Variants in PIWIL4 observed in about 807,000 individuals in gnomAD.
PIWIL4 encodes the protein piwi-like protein 4.
PIWIL4 carries 50 observed loss-of-function variants against 100.9 expected under a neutral mutation model. The ratio of observed to expected loss-of-function variants is 0.50; its 90% CI spans 0.39 to 0.63. PIWIL4 has a LOEUF of 0.63. Ranked by LOEUF, PIWIL4 falls within the 20% of genes least tolerant of loss-of-function variation. PIWIL4 has a pLI of 0.00. For synonymous variants in PIWIL4, 342 were observed against 367.5 expected, an observed-to-expected ratio of 0.93 and a Z score of 0.79; for missense variants, 887 against 1,043.3, an observed-to-expected ratio of 0.85 and a Z score of 2.06.
intron 11 of PIWIL4, among the ~76,000 whole-genome samples, chr11:94,601,272 C>G (rs1421550895): frequency 6.6e-6 from 1 of 152,020 alleles, no homozygotes; most frequent in Non-Finnish European, 1.5e-5. Flanking sequence ...CTTCACAATC[C>G]ATGTTCTTCT....
At chr11:94,615,493 T>C (rs747575661) in intron 15 of PIWIL4, among the ~76,000 whole-genome samples, 209 of 152,304 alleles carry the variant, frequency 1.4e-3, no homozygotes, top group Non-Finnish European at 2.4e-3. Flanking sequence ...ATTGTCAAAA[T>C]TGATGCTTCT....
chr11:94,609,940 CATG>C (rs1565282707), intron 15 of PIWIL4, among the ~76,000 whole-genome samples: 2 of 151,994 alleles, frequency 1.3e-5, no homozygotes, highest in African/African-American at 4.8e-5. Context: ...TACAATAGTA[CATG>C]ATAATTAACT....
chr11:94,571,076 C>A (rs1054633898), intron 2 of PIWIL4, among the ~76,000 whole-genome samples: 7 of 152,140 alleles, frequency 4.6e-5, no homozygotes, highest in Non-Finnish European at 1.0e-4. Context: ...CTCTGCTGTT[C>A]CTCACTGGGA....
At position 94,601,864 on chromosome 11, in the gene PIWIL4, T is replaced by A. The variant is rs1948646583; in HGVS notation, c.1450T>A (p.Leu484Met). The A allele has an allele frequency of 1.9e-6, 3 of 1,614,044 alleles. No individual in the cohort carries two copies. The highest frequency in any genetic ancestry group is 2.5e-6 in the Non-Finnish European group (3 of 1,179,998). Residue 484 changes from leucine (L) to methionine (M), a missense_variant, in exon 12 of 20, where the codon TTG (leucine) becomes ATG (methionine). Physicochemically the swap from Leu to Met is conservative, Grantham distance 15. Coordinates refer to ENST00000299001, the MANE Select transcript of PIWIL4 (RefSeq NM_152431.3). ...TTGCAAGATTTTAAATGCACAGTCTTTGAATACCTGGTTGATTTTATGTAG... is the reference window on the plus strand; with the variant it reads ...TTGCAAGATTTTAAATGCACAGTCTATGAATACCTGGTTGATTTTATGTAG... ...RTCKILNAQS[L>M]NTWLILCSDR...
chr11:94,569,742 A>T (rs187165639), intron 2 of PIWIL4, among the ~76,000 whole-genome samples: 165 of 151,854 alleles, frequency 1.1e-3, no homozygotes, highest in African/African-American at 3.7e-3. Flanking sequence ...GTTCTTACTT[A>T]TAAGTGGAAG....
At chr11:94,576,711 GA>G (rs1216597848) in intron 3 of PIWIL4, among the ~76,000 whole-genome samples, 1 of 152,170 alleles carries the variant, frequency 6.6e-6, no homozygotes, top group African/African-American at 2.4e-5. Context: ...TTTCACGTCG[GA>G]AAAATGACAG....
chr11:94,571,170 C>G lies in PIWIL4; in HGVS notation c.166+2362C>G, dbSNP rs188802293. On this transcript the variant is annotated intron_variant, in intron 2 of 19. Transcript: ENST00000299001. ...TCTGAGCACAGAAGCCCTACTCTGA[C>G]AGGCCCAGTGCCCTCCATTATTTTC... is the stretch of plus-strand genomic sequence containing the variant. Among the ~76,000 whole-genome samples, 154 of 152,320 alleles carry G rather than the reference C, an allele frequency of 1.0e-3. 1 individual carries two copies. The highest frequency in any genetic ancestry group is 6.8e-3 in the Middle Eastern group (2 of 294).
intron 15 of PIWIL4, among the ~76,000 whole-genome samples, chr11:94,609,431 A>G (rs1238679833): frequency 6.6e-6 from 1 of 152,154 alleles, no homozygotes; most frequent in Non-Finnish European, 1.5e-5. Context: ...CCCTTTGCAA[A>G]ATGTTTTCTT....
chr11:94,583,675 A>G, intron 5 of PIWIL4, 106 bp downstream of exon 5: 1 of 1,472,598 alleles, frequency 6.8e-7, no homozygotes, highest in African/African-American at 1.4e-5. Context: ...GCCAGCAGTG[A>G]TGCCACCGTT....
chr11:94,621,289 A>G lies in PIWIL4; in HGVS notation c.*297A>G. 3.6e-6 allele frequency: 1 copy of G among 278,730 alleles called. No individual in the cohort carries two copies. The highest frequency in any genetic ancestry group is 6.7e-6 in the Non-Finnish European group (1 of 148,338). The allele number at this position is 278,730 out of a possible 1,614,324, so 17.3% of individuals were successfully genotyped here. A position where few individuals can be genotyped will look rare whatever the true frequency, so the allele number is the denominator to read the frequency against. Reference sequence around the variant, plus strand: ...TATCTTAAGTTAAACACTTAAAATAAGTGTTTGCGTGATATTTTGATGACA... The same window carrying G: ...TATCTTAAGTTAAACACTTAAAATAGGTGTTTGCGTGATATTTTGATGACA... On this transcript the variant is annotated 3_prime_UTR_variant, in exon 20 of 20. Transcript: ENST00000299001.
intron 17 of PIWIL4, 122 bp from the exon 18 acceptor site, chr11:94,619,638 T>C (rs1948884775): frequency 8.7e-7 from 1 of 1,146,690 alleles, no homozygotes. Flanking sequence ...AATTTTTATT[T>C]TCTGTTTTGC....
At chr11:94,589,024 C>G in intron 7 of PIWIL4, 97 bp from the exon 8 acceptor site, 1 of 743,576 alleles carries the variant, frequency 1.3e-6, no homozygotes, top group African/African-American at 1.8e-5. Flanking sequence ...TTCTGACATT[C>G]TGGAGTCTAT....
At chr11:94,617,311 A>G (rs1160040137) in intron 16 of PIWIL4, among the ~76,000 whole-genome samples, 1 of 152,036 alleles carries the variant, frequency 6.6e-6, no homozygotes, top group African/African-American at 2.4e-5. Flanking sequence ...ATTCTATTAT[A>G]TTCCCCTCAC....
intron 9 of PIWIL4, among the ~76,000 whole-genome samples, chr11:94,593,849 G>A (rs1175374413): frequency 6.6e-6 from 1 of 152,086 alleles, no homozygotes; most frequent in East Asian, 1.9e-4. Context: ...TTACTTTGAT[G>A]TAAAATAGAC....
At chr11:94,583,359 G>T in intron 4 of PIWIL4, 89 bp from the exon 5 acceptor site, 2 of 1,443,608 alleles carry the variant, frequency 1.4e-6, no homozygotes, top group Non-Finnish European at 1.9e-6. Flanking sequence ...TTTTGTTAAT[G>T]CATATTACAT....
chr11:94,589,104 CTT>C lies in PIWIL4; in HGVS notation c.915-13_915-12del, dbSNP rs556826852. On this transcript the variant is annotated splice_polypyrimidine_tract_variant and intron_variant, in intron 7 of 19. Coordinates refer to ENST00000299001, the MANE Select transcript of PIWIL4 (RefSeq NM_152431.3). ...AGATGATTAAAAAACAATTTAAAGA[CTT>C]TTTATATTTGGCAGATACAATAACA... 8.3e-5 allele frequency: 130 copies of C among 1,564,378 alleles called. 2 individuals carry two copies. In the South Asian group the frequency reaches 1.2e-3, roughly 14 times the overall value.
intron 4 of PIWIL4, among the ~76,000 whole-genome samples, chr11:94,581,244 C>T (rs1298235382): frequency 1.3e-5 from 2 of 152,062 alleles, no homozygotes; most frequent in Non-Finnish European, 2.9e-5. Context: ...CTGTCATCAC[C>T]CTTGGGGCCT....
chr11:94,611,536 A>C (rs772100126), intron 15 of PIWIL4, among the ~76,000 whole-genome samples: 1 of 150,850 alleles, frequency 6.6e-6, no homozygotes, highest in Non-Finnish European at 1.5e-5. Context: ...CTTGATTGAT[A>C]TAGTTTGTTC....
rs189391695 is a variant in PIWIL4 at position 94,611,976 on chromosome 11, T to C, written c.1943+3290T>C. 1.6e-3 allele frequency among the ~76,000 whole-genome samples: 240 copies of C among 152,338 alleles called. 2 individuals carry two copies. Among genetic ancestry groups the C allele is most frequent in the African/African-American group, 5.5e-3 (228 of 41,590 alleles). ...TCTTCTTAAAGTTGTTAATACTGGC[T>C]ATGATTTGTCTTGGAGAATGTTCCA... On this transcript the variant is annotated intron_variant, in intron 15 of 19. Transcript: ENST00000299001.
Sources: gnomAD v4.1 joint callset for allele counts (sites outside exome capture counted in the v4.1 genomes callset) on GRCh38, gnomAD v4.1.1 for gene constraint, MANE v1.5 for transcripts, NCBI Gene and HGNC (gene_info 2026-07-23, HGNC 2026-07-21) for gene names.